Variants in CHD9 observed in about 807,000 individuals in gnomAD.
The protein encoded by CHD9 is chromodomain helicase DNA binding protein 9, also known as ATP-dependent chromatin remodeler CHD9.
Under a neutral mutation model 316.1 loss-of-function variants are expected in CHD9, and 77 were observed. The ratio of observed to expected loss-of-function variants is 0.24; its 90% CI spans 0.20 to 0.29. The LOEUF (loss-of-function observed/expected upper bound fraction) is 0.29. Among genes scored for constraint, CHD9 ranks in the 10% least tolerant of loss-of-function variants. The pLI is 1.00. For missense variants in CHD9, 2,763 were observed against 3,438.1 expected (o/e 0.80, Z 4.91); for synonymous variants, 1,129 against 1,158.3 (o/e 0.97, Z 0.51).
chr16:53,301,895 G>A (rs576542190), intron 30 of CHD9, among the ~76,000 whole-genome samples: 1 of 151,514 alleles, frequency 6.6e-6, no homozygotes, highest in African/African-American at 2.4e-5. Flanking sequence ...CTCCCGAGTA[G>A]CTGGGACTAC....
intron 19 of CHD9, among the ~76,000 whole-genome samples, chr16:53,261,761 T>C (rs1188134439): frequency 6.6e-6 from 1 of 152,156 alleles, no homozygotes; most frequent in Non-Finnish European, 1.5e-5. Context: ...CATCACCACC[T>C]CCCACTTTTT....
intron 1 of CHD9, among the ~76,000 whole-genome samples, chr16:53,096,129 G>A (rs1335835287): frequency 2.6e-5 from 4 of 151,112 alleles, no homozygotes; most frequent in Non-Finnish European, 4.4e-5. Context: ...ACAATCATGG[G>A]TCACTGCAGC....
At chr16:53,105,807 C>T (rs2037299801) in intron 1 of CHD9, among the ~76,000 whole-genome samples, 5 of 150,294 alleles carry the variant, frequency 3.3e-5, no homozygotes, top group Admixed American at 3.3e-4. Flanking sequence ...TCTCTGGTCA[C>T]AACAATGATA....
chr16:53,108,632 T>C (rs2037569335), intron 1 of CHD9, among the ~76,000 whole-genome samples: 1 of 152,084 alleles, frequency 6.6e-6, no homozygotes, highest in African/African-American at 2.4e-5. Flanking sequence ...CCCAGCTCTT[T>C]GGGAGACCAA....
chr16:53,113,461 T>C (rs115257642), intron 1 of CHD9, among the ~76,000 whole-genome samples: 1,943 of 147,420 alleles, frequency 0.013, 42 homozygotes, highest in African/African-American at 0.046. Context: ...CACAGGTACA[T>C]GCTACCACGC....
intron 24 of CHD9, among the ~76,000 whole-genome samples, chr16:53,274,682 T>C (rs751325345): frequency 1.1e-4 from 16 of 151,934 alleles, no homozygotes; most frequent in Non-Finnish European, 2.4e-4. Context: ...GGTTTCGAAC[T>C]CCTGACCTCA....
At chr16:53,305,950 AG>A (rs566030224) in intron 31 of CHD9, among the ~76,000 whole-genome samples, 2 of 152,302 alleles carry the variant, frequency 1.3e-5, no homozygotes, top group South Asian at 4.1e-4. Context: ...TAATGAAGTC[AG>A]GCGTAGTGCA....
Position 53,194,843 on chromosome 16 carries a change from A to G in CHD9, c.1453-14639A>G, listed in dbSNP as rs1039374514. 2.6e-5 allele frequency among the ~76,000 whole-genome samples: 4 copies of G among 152,334 alleles called. No homozygotes were observed. In the East Asian group the frequency reaches 7.7e-4, roughly 29 times the overall value. On this transcript the variant is annotated intron_variant, in intron 2 of 38. Coordinates refer to ENST00000447540, the MANE Select transcript of CHD9 (RefSeq NM_001308319.2). ...TCTCCTGGTATTAGAGGAAATAGGCAATAGTATATTTCTCTGTTACTGTTT... is the reference window on the plus strand; with the variant it reads ...TCTCCTGGTATTAGAGGAAATAGGCGATAGTATATTTCTCTGTTACTGTTT...
chr16:53,076,587 A>G (rs2034546958), intron 1 of CHD9, among the ~76,000 whole-genome samples: 1 of 151,888 alleles, frequency 6.6e-6, no homozygotes, highest in African/African-American at 2.4e-5. Flanking sequence ...AAAAAAAAGA[A>G]AAGCAAAGAA....
intron 1 of CHD9, among the ~76,000 whole-genome samples, chr16:53,106,346 G>A (rs751517906): frequency 3.3e-5 from 5 of 152,138 alleles, no homozygotes; most frequent in African/African-American, 4.8e-5. Flanking sequence ...CAGAATGTTT[G>A]CATTTGAAAA....
chr16:53,221,346 G>A (rs1033498515), intron 3 of CHD9, among the ~76,000 whole-genome samples: 1 of 152,166 alleles, frequency 6.6e-6, no homozygotes, highest in East Asian at 1.9e-4. Context: ...CTTTGACCCT[G>A]TGTTTTCAAA....
chr16:53,069,512 A>G (rs1331285655), intron 1 of CHD9, among the ~76,000 whole-genome samples: 2 of 152,212 alleles, frequency 1.3e-5, no homozygotes, highest in African/African-American at 4.8e-5. Flanking sequence ...TCATCTAGGT[A>G]GAATTACACA....
rs143930746 is a variant in CHD9, at chr16:53,157,040, C to A, written c.951C>A (p.Ile317=). 2.5e-6 allele frequency: 4 copies of A among 1,612,822 alleles called. No homozygotes were observed. Among genetic ancestry groups the A allele is most frequent in the Non-Finnish European group, 3.4e-6 (4 of 1,179,666 alleles). The change falls in exon 2 of 39, where the codon ATC becomes ATA. Residue 317 remains isoleucine, a synonymous_variant. Coordinates refer to ENST00000447540, the MANE Select transcript of CHD9 (RefSeq NM_001308319.2). ...ATTCCTTTTCACCTCATAGAGGAATCAAGCAAGAATCTACTCAGCATATCC... is the reference window on the plus strand; with the variant it reads ...ATTCCTTTTCACCTCATAGAGGAATAAAGCAAGAATCTACTCAGCATATCC... The part of the protein sequence containing the change: ...GSNSFSPHRG[I]KQESTQHILN...
intron 1 of CHD9, among the ~76,000 whole-genome samples, chr16:53,061,124 G>A (rs981894733): frequency 1.3e-5 from 2 of 151,774 alleles, no homozygotes; most frequent in Admixed American, 6.6e-5. Context: ...ATGGGGTTTC[G>A]CCATGTTGGC....
chr16:53,250,877 A>G (rs868192339), intron 17 of CHD9, among the ~76,000 whole-genome samples: 38 of 152,258 alleles, frequency 2.5e-4, no homozygotes, highest in African/African-American at 8.4e-4. Flanking sequence ...GTAGAGTTCA[A>G]TCTGTAGCTC....
chr16:53,285,335 T>C (rs191886753), intron 24 of CHD9, among the ~76,000 whole-genome samples: 1 of 152,332 alleles, frequency 6.6e-6, no homozygotes, highest in East Asian at 1.9e-4. Context: ...TGAAAGAATA[T>C]GATTCTTTAA....
chr16:53,170,294 A>T (rs1297513539), intron 2 of CHD9, among the ~76,000 whole-genome samples: 2 of 152,164 alleles, frequency 1.3e-5, no homozygotes, highest in Non-Finnish European at 1.5e-5. Flanking sequence ...AATATGTTAT[A>T]AAAATGTGTT....
intron 1 of CHD9, among the ~76,000 whole-genome samples, chr16:53,086,699 T>G (rs2035493139): frequency 1.3e-5 from 2 of 152,218 alleles, no homozygotes; most frequent in Non-Finnish European, 2.9e-5. Context: ...TTATTCATTA[T>G]CCTTTTAAAA....
chr16:53,318,381 A>G (rs774561267), intron 37 of CHD9, 41 bp downstream of exon 37: 6 of 1,483,384 alleles, frequency 4.0e-6, no homozygotes, highest in African/African-American at 1.4e-5. Context: ...TATTGATTCA[A>G]TATTTAAGAG....
Sources: allele counts gnomAD v4.1 joint callset (sites outside exome capture counted in the v4.1 genomes callset), GRCh38; gene constraint gnomAD v4.1.1; transcripts MANE v1.5; gene names NCBI Gene and HGNC (gene_info 2026-07-23, HGNC 2026-07-21).